The following HS6ST3 variants were observed in gnomAD, a reference collection of about 807,000 sequenced individuals.
The protein encoded by HS6ST3 is heparan sulfate 6-O-sulfotransferase 3.
A neutral mutation model predicts 36.7 loss-of-function variants in HS6ST3; 12 were observed. The ratio of observed to expected loss-of-function variants is 0.33; its 90% confidence interval spans 0.21 to 0.53. The LOEUF is 0.53. HS6ST3 is among the 20% of genes least tolerant of loss of function. The probability of loss-of-function intolerance (pLI) is 0.95; values close to 1 mark genes in which losing one functional copy is unlikely to be tolerated. For missense variants in HS6ST3, 584 were observed against 640.9 expected (o/e 0.91, Z 0.96); for synonymous variants, 240 against 257.5 (o/e 0.93, Z 0.65).
chr13:96,383,833 G>C (rs955232606), intron 1 of HS6ST3, among the ~76,000 whole-genome samples: 1 of 152,196 alleles, frequency 6.6e-6, no homozygotes, highest in Non-Finnish European at 1.5e-5. Flanking sequence ...GATGGGGTCC[G>C]AGGTTAGGTC....
chr13:96,295,720 T>C (rs2054851777), intron 1 of HS6ST3, among the ~76,000 whole-genome samples: 1 of 152,132 alleles, frequency 6.6e-6, no homozygotes, highest in Non-Finnish European at 1.5e-5. Flanking sequence ...TTTTGGTGTC[T>C]GGTAAGTATC....
At chr13:96,726,967 C>A (rs1277627912) in intron 1 of HS6ST3, among the ~76,000 whole-genome samples, 2 of 152,142 alleles carry the variant, frequency 1.3e-5, no homozygotes, top group African/African-American at 2.4e-5. Context: ...GCTTTCTTTG[C>A]TACTCTGTGT....
intron 1 of HS6ST3, among the ~76,000 whole-genome samples, chr13:96,355,420 C>G (rs187821495): frequency 6.6e-6 from 1 of 150,802 alleles, no homozygotes; most frequent in African/African-American, 2.5e-5. Flanking sequence ...CAAACACACA[C>G]ACACAGAGGC....
intron 1 of HS6ST3, among the ~76,000 whole-genome samples, chr13:96,396,077 G>A (rs1009244676): frequency 1.3e-5 from 2 of 152,106 alleles, no homozygotes; most frequent in African/African-American, 2.4e-5. Flanking sequence ...ACTTTGGGAG[G>A]CAGAGGTGGG....
At chr13:96,331,605 A>C (rs1290793275) in intron 1 of HS6ST3, among the ~76,000 whole-genome samples, 3 of 152,028 alleles carry the variant, frequency 2.0e-5, no homozygotes, top group Non-Finnish European at 4.4e-5. Context: ...AGGGACATTT[A>C]AGTCTGCAGA....
At chr13:96,736,859 GAGACAATA>G (rs1455078400) in intron 1 of HS6ST3, among the ~76,000 whole-genome samples, 1 of 152,072 alleles carries the variant, frequency 6.6e-6, no homozygotes, top group Non-Finnish European at 1.5e-5. Flanking sequence ...AACAAACATG[GAGACAATA>G]AGAAAATCAA....
chr13:96,789,865 C>A (rs755406834), intron 1 of HS6ST3, among the ~76,000 whole-genome samples: 1 of 151,264 alleles, frequency 6.6e-6, no homozygotes, highest in Non-Finnish European at 1.5e-5. Context: ...TAGTTTTTAG[C>A]AGTTTGATTA....
chr13:96,463,299 A>G (rs2055794394), intron 1 of HS6ST3, among the ~76,000 whole-genome samples: 1 of 152,186 alleles, frequency 6.6e-6, no homozygotes, highest in South Asian at 2.1e-4. Context: ...TAAAATGTAG[A>G]GCACACCAAG....
chr13:96,826,289 T>A (rs944228332), intron 1 of HS6ST3, among the ~76,000 whole-genome samples: 4 of 152,226 alleles, frequency 2.6e-5, no homozygotes, highest in African/African-American at 4.8e-5. Flanking sequence ...GCACACATTT[T>A]AGGCATTTTA....
intron 1 of HS6ST3, among the ~76,000 whole-genome samples, chr13:96,694,095 T>C (rs766864816): frequency 1.6e-4 from 25 of 152,186 alleles, no homozygotes; most frequent in Non-Finnish European, 2.9e-4. Flanking sequence ...GGGGGTTTTC[T>C]GCCCAGATTA....
At chr13:96,746,550 T>C (rs1024946092) in intron 1 of HS6ST3, among the ~76,000 whole-genome samples, 1 of 152,084 alleles carries the variant, frequency 6.6e-6, no homozygotes, top group Non-Finnish European at 1.5e-5. Context: ...CCATATGAGA[T>C]AGGAAGTCCA....
At position 96,674,484 on chromosome 13, in the gene HS6ST3, C is replaced by T. The variant is rs55663041; in HGVS notation, c.708-158006C>T. Among the ~76,000 whole-genome samples, 1,417 of 152,090 alleles carry T rather than the reference C, an allele frequency of 9.3e-3. 22 individuals are homozygous for T. Among genetic ancestry groups the T allele is most frequent in the African/African-American group, 0.029 (1,215 of 41,506 alleles). On this transcript the variant is annotated intron_variant, in intron 1 of 1. Transcript: ENST00000376705. ...CCTTCTCAGAGAGGATTTAATCCCC[C>T]GGGCTTCTCCTGGGGGTGTGAGCCA...
intron 1 of HS6ST3, among the ~76,000 whole-genome samples, chr13:96,359,073 C>T (rs1186599176): frequency 6.6e-6 from 1 of 152,058 alleles, no homozygotes; most frequent in African/African-American, 2.4e-5. Context: ...ACACTCTTTC[C>T]AGTGGATGCT....
chr13:96,301,720 C>T (rs2054882916), intron 1 of HS6ST3, among the ~76,000 whole-genome samples: 1 of 151,794 alleles, frequency 6.6e-6, no homozygotes, highest in Non-Finnish European at 1.5e-5. Context: ...AGTGAAATCC[C>T]ATCTCTACTA....
At chr13:96,809,777 T>G (rs771459182) in intron 1 of HS6ST3, among the ~76,000 whole-genome samples, 2 of 152,226 alleles carry the variant, frequency 1.3e-5, no homozygotes, top group Non-Finnish European at 1.5e-5. Flanking sequence ...GACCTGGATT[T>G]CCATGCTGGC....
intron 1 of HS6ST3, among the ~76,000 whole-genome samples, chr13:96,508,247 A>T (rs2056034610): frequency 6.6e-6 from 1 of 152,022 alleles, no homozygotes; most frequent in Non-Finnish European, 1.5e-5. Context: ...TGCTGAACTC[A>T]AGTCTTTCTA....
intron 1 of HS6ST3, among the ~76,000 whole-genome samples, chr13:96,553,868 G>T (rs960127212): frequency 6.6e-6 from 1 of 152,214 alleles, no homozygotes; most frequent in Non-Finnish European, 1.5e-5. Context: ...ATGAAGAGCT[G>T]TGAAGGTAAC....
chr13:96,503,696 A>G (rs1330392677), intron 1 of HS6ST3, among the ~76,000 whole-genome samples: 3 of 152,178 alleles, frequency 2.0e-5, no homozygotes, highest in Non-Finnish European at 4.4e-5. Context: ...AGTAGCTCAC[A>G]TTCATTGAGC....
intron 1 of HS6ST3, among the ~76,000 whole-genome samples, chr13:96,215,780 G>C (rs1277321028): frequency 1.3e-5 from 2 of 152,058 alleles, no homozygotes; most frequent in African/African-American, 2.4e-5. Context: ...ATGGAGTAAG[G>C]TTTGAGTTTG....
Sources: gnomAD v4.1 joint callset for allele counts (sites outside exome capture counted in the v4.1 genomes callset) on GRCh38, gnomAD v4.1.1 for gene constraint, MANE v1.5 for transcripts, NCBI Gene and HGNC (gene_info 2026-07-23, HGNC 2026-07-21) for gene names.